The following NTRK3 variants were observed in gnomAD, a reference collection of about 807,000 sequenced individuals.
The protein encoded by NTRK3 is neurotrophic receptor tyrosine kinase 3, also known as NT-3 growth factor receptor.
In NTRK3, 24 loss-of-function variants were observed where a neutral mutation model predicts 91.7. That is an observed-to-expected ratio of 0.26 (90% confidence interval 0.19 to 0.37). The LOEUF (loss-of-function observed/expected upper bound fraction) is 0.37, where lower values mean the gene tolerates loss of function less well. Among genes scored for constraint, NTRK3 ranks in the 10% least tolerant of loss-of-function variants. The pLI, the probability that NTRK3 is intolerant of heterozygous loss-of-function variation, is 1.00. For synonymous variants in NTRK3, 483 were observed against 404.0 expected (o/e 1.20, Z -2.34); for missense variants, 880 against 1,068.9 (o/e 0.82, Z 2.46).
intron 14 of NTRK3, among the ~76,000 whole-genome samples, chr15:87,947,899 G>C (rs1457706111): frequency 6.6e-6 from 1 of 152,156 alleles, no homozygotes; most frequent in East Asian, 1.9e-4. Context: ...CTGGGTGTTT[G>C]AAGTGGCAGG....
intron 3 of NTRK3, among the ~76,000 whole-genome samples, chr15:88,247,486 G>T (rs2052951441): frequency 6.6e-6 from 1 of 152,198 alleles, no homozygotes; most frequent in South Asian, 2.1e-4. Flanking sequence ...TCAAAGTCTT[G>T]ATCTTCTCTC....
intron 13 of NTRK3, among the ~76,000 whole-genome samples, chr15:88,063,767 G>A (rs1007236486): frequency 2.6e-5 from 4 of 152,168 alleles, no homozygotes; most frequent in South Asian, 2.1e-4. Flanking sequence ...TGAATAGGTG[G>A]AAGAATGAAT....
intron 17 of NTRK3, among the ~76,000 whole-genome samples, chr15:87,900,095 T>C (rs996840091): frequency 6.6e-6 from 1 of 152,190 alleles, no homozygotes; most frequent in African/African-American, 2.4e-5. Flanking sequence ...TAAAGTCCTT[T>C]ATCTTCATTT....
At chr15:87,987,945 A>G (rs529534181) in intron 14 of NTRK3, among the ~76,000 whole-genome samples, 19 of 152,262 alleles carry the variant, frequency 1.2e-4, no homozygotes, top group African/African-American at 4.3e-4. Context: ...CCCTTACAGA[A>G]GAATTACGAA....
intron 5 of NTRK3, among the ~76,000 whole-genome samples, chr15:88,170,052 T>G (rs1185316723): frequency 6.6e-6 from 1 of 152,232 alleles, no homozygotes; most frequent in East Asian, 1.9e-4. Context: ...TAATTCACCT[T>G]TGCACGAATT....
At chr15:88,252,916 C>T (rs1386877150) in intron 3 of NTRK3, 1 of 152,340 alleles carries the variant, frequency 6.6e-6, no homozygotes, top group Non-Finnish European at 1.5e-5. Flanking sequence ...CCTCCCCCAT[C>T]AGAGGCAGTT....
At chr15:88,037,537 T>G (rs2079177516) in intron 13 of NTRK3, among the ~76,000 whole-genome samples, 1 of 152,088 alleles carries the variant, frequency 6.6e-6, no homozygotes, top group African/African-American at 2.4e-5. Flanking sequence ...CACTCTAGCC[T>G]GGCAACAGAG....
intron 13 of NTRK3, among the ~76,000 whole-genome samples, chr15:88,057,634 T>G (rs1369936642): frequency 6.6e-6 from 1 of 152,228 alleles, no homozygotes; most frequent in Non-Finnish European, 1.5e-5. Flanking sequence ...TACATTGCTA[T>G]TGACTACAAC....
At chr15:88,141,451 G>A (rs369393603) in intron 6 of NTRK3, among the ~76,000 whole-genome samples, 1 of 152,342 alleles carries the variant, frequency 6.6e-6, no homozygotes, top group Admixed American at 6.5e-5. Flanking sequence ...TCACACTGCA[G>A]GGGCTGCAAG....
At chr15:88,089,216 T>C (rs952497188) in intron 13 of NTRK3, among the ~76,000 whole-genome samples, 1 of 152,188 alleles carries the variant, frequency 6.6e-6, no homozygotes, top group Non-Finnish European at 1.5e-5. Context: ...GCCCTACCAC[T>C]TCCTGGCTTT....
Position 87,869,405 on chromosome 15 carries a change from C to T in NTRK3, c.*7530G>A, listed in dbSNP as rs1369419. The T allele has an allele frequency of 5.9e-3, 1,335 of 225,796 alleles. 23 individuals carry two copies. The highest frequency in any genetic ancestry group is 0.03 in the East Asian group (479 of 15,712). The allele number at this position is 225,796 out of a possible 1,614,324, so 14.0% of individuals were successfully genotyped here. A position where few individuals can be genotyped will look rare whatever the true frequency, so the allele number is the denominator to read the frequency against. On this transcript the variant is annotated 3_prime_UTR_variant, in exon 19 of 19. Transcript: ENST00000394480. ...CAGAGGTTAATCTAGATGTCAACATCGTCTGACAGCACTGAAATTACTCCA... is the reference window on the plus strand; with the variant it reads ...CAGAGGTTAATCTAGATGTCAACATTGTCTGACAGCACTGAAATTACTCCA...
At chr15:88,023,608 G>A (rs900624090) in intron 14 of NTRK3, among the ~76,000 whole-genome samples, 6 of 152,118 alleles carry the variant, frequency 3.9e-5, no homozygotes, top group South Asian at 2.1e-4. Context: ...GAGAATAAAA[G>A]AGGGGACCCA....
chr15:88,238,113 G>A (rs537166344), intron 3 of NTRK3, among the ~76,000 whole-genome samples: 11 of 152,194 alleles, frequency 7.2e-5, no homozygotes, highest in South Asian at 6.2e-4. Flanking sequence ...GAAGGCGACC[G>A]TCTGCAAGCC....
chr15:88,117,279 G>C (rs1297293198), intron 13 of NTRK3, among the ~76,000 whole-genome samples: 1 of 152,076 alleles, frequency 6.6e-6, no homozygotes, highest in East Asian at 1.9e-4. Context: ...CTTTAAAGTG[G>C]GAATAATAGC....
At chr15:87,882,372 A>G (rs1596071249) in intron 17 of NTRK3, among the ~76,000 whole-genome samples, 1 of 152,370 alleles carries the variant, frequency 6.6e-6, no homozygotes. Context: ...AACAGTAAAA[A>G]TAACCCAAGC....
chr15:88,003,967 G>C (rs2076300997), intron 14 of NTRK3, among the ~76,000 whole-genome samples: 1 of 151,950 alleles, frequency 6.6e-6, no homozygotes, highest in Admixed American at 6.6e-5. Flanking sequence ...TTCAAGAGCA[G>C]AATCTCCTGC....
At chr15:88,087,808 G>T (rs144599361) in intron 13 of NTRK3, among the ~76,000 whole-genome samples, 4,002 of 152,286 alleles carry the variant, frequency 0.026, 167 homozygotes, top group African/African-American at 0.085. Context: ...CAGCACTTTG[G>T]GAGGTCGAGG....
chr15:88,137,111 T>C lies in NTRK3; in HGVS notation c.622+293A>G, dbSNP rs191951124. 1.5e-4 allele frequency among the ~76,000 whole-genome samples: 23 copies of C among 152,338 alleles called. No individual in the cohort carries two copies. In the East Asian group the frequency reaches 4.4e-3, roughly 29 times the overall value. Reference sequence around the variant, plus strand: ...ATTTTGAGATACACTCCTTCAGGTTTGGTTGACAGGTAACTCACAGGGAGA... The same window carrying C: ...ATTTTGAGATACACTCCTTCAGGTTCGGTTGACAGGTAACTCACAGGGAGA... On this transcript the variant is annotated intron_variant, in intron 7 of 18. Coordinates refer to ENST00000394480, the Ensembl canonical transcript of NTRK3.
Position 87,876,859 on chromosome 15 carries a change from G to T in NTRK3, c.*76C>A, listed in dbSNP as rs1176503992. On this transcript the variant is annotated 3_prime_UTR_variant, in exon 19 of 19. Transcript: ENST00000394480. ...TTCGCTTCAGTCAAGGATGGAAGGA[G>T]TTGTGAGGTGGAAGGGAGATGTGAG... The T allele has an allele frequency of 2.0e-6, 3 of 1,514,560 alleles. No individual in the cohort carries two copies. In the Admixed American group the frequency reaches 5.0e-5, roughly 25 times the overall value. 93.8% of individuals were successfully genotyped at this position (1,514,560 alleles called of 1,614,324 possible).
Sources: gnomAD v4.1 joint callset for allele counts (sites outside exome capture counted in the v4.1 genomes callset) on GRCh38, gnomAD v4.1.1 for gene constraint, MANE v1.5 for transcripts, NCBI Gene and HGNC (gene_info 2026-07-23, HGNC 2026-07-21) for gene names.